PRKAG2: variants seen among roughly 807,000 people sequenced by gnomAD.
PRKAG2 encodes 5'-AMP-activated protein kinase subunit gamma-2.
A neutral mutation model predicts 69.6 loss-of-function variants in PRKAG2; 26 were observed. The ratio of observed to expected loss-of-function variants is 0.37; its 90% CI spans 0.27 to 0.52. The LOEUF (loss-of-function observed/expected upper bound fraction) is 0.52. PRKAG2 is among the 20% of genes least tolerant of loss of function. PRKAG2 has a pLI of 0.90. For missense variants in PRKAG2, 557 were observed against 740.0 expected, an observed-to-expected ratio of 0.75 and a Z score of 2.87; for synonymous variants, 293 against 285.0, an observed-to-expected ratio of 1.03 and a Z score of -0.28.
At chr7:151,740,197 T>G (rs2151709137) in intron 3 of PRKAG2, among the ~76,000 whole-genome samples, 1 of 152,318 alleles carries the variant, frequency 6.6e-6, no homozygotes, top group African/African-American at 2.4e-5. Context: ...GGGCTGCTGG[T>G]TAGCTGCAGC....
chr7:151,662,909 T>A (rs930830974), intron 4 of PRKAG2, among the ~76,000 whole-genome samples: 2 of 151,868 alleles, frequency 1.3e-5, no homozygotes, highest in Non-Finnish European at 2.9e-5. Flanking sequence ...AACAAATACA[T>A]AAAACACAAG....
chr7:151,736,073 A>G, intron 3 of PRKAG2: 1 of 1,529,142 alleles, frequency 6.5e-7, no homozygotes. Flanking sequence ...GGTGGCCGGG[A>G]GCCAGAGGAG....
chr7:151,726,538 C>T (rs1318242811), intron 3 of PRKAG2, among the ~76,000 whole-genome samples: 2 of 152,214 alleles, frequency 1.3e-5, no homozygotes, highest in South Asian at 4.2e-4. Context: ...TGTCACAGCC[C>T]CGACTGGAAA....
chr7:151,582,679 T>C (rs999530079), intron 6 of PRKAG2, among the ~76,000 whole-genome samples: 2 of 152,230 alleles, frequency 1.3e-5, no homozygotes, highest in African/African-American at 4.8e-5. Flanking sequence ...ACATAAAATG[T>C]GTATCTCTAC....
rs374963512 is a variant in PRKAG2 at position 151,833,776 on chromosome 7, T to TA, written c.114+42730dup. ...AGGCAAGCCCAGAATCCAACTGGCA[T>TA]AAAAAATAAGTCCTTAATGAGGAAA... On this transcript the variant is annotated intron_variant, in intron 1 of 15. Coordinates refer to ENST00000287878, the MANE Select transcript of PRKAG2 (RefSeq NM_016203.4). Among the ~76,000 whole-genome samples, 748 of 152,196 alleles carry TA rather than the reference T, an allele frequency of 4.9e-3. 5 individuals are homozygous for TA. Among genetic ancestry groups the TA allele is most frequent in the African/African-American group, 0.017 (716 of 41,532 alleles).
chr7:151,718,170 C>T (rs10253736), intron 3 of PRKAG2, among the ~76,000 whole-genome samples: 33,562 of 151,982 alleles, frequency 0.22, 4,199 homozygotes, highest in Non-Finnish European at 0.29. Context: ...GATTTTCTTA[C>T]GGTTCTGGGG....
intron 1 of PRKAG2, among the ~76,000 whole-genome samples, chr7:151,805,058 C>G (rs1028719359): frequency 6.6e-6 from 1 of 152,226 alleles, no homozygotes; most frequent in Non-Finnish European, 1.5e-5. Context: ...TCCCTGCATA[C>G]ATGTGCTGTC....
intron 4 of PRKAG2, among the ~76,000 whole-genome samples, chr7:151,649,986 G>A (rs993884403): frequency 2.0e-5 from 3 of 152,076 alleles, no homozygotes; most frequent in African/African-American, 7.2e-5. Flanking sequence ...TCACCTCCCC[G>A]ACACACACCC....
chr7:151,610,114 C>T (rs890314098), intron 5 of PRKAG2, among the ~76,000 whole-genome samples: 3 of 152,220 alleles, frequency 2.0e-5, no homozygotes, highest in African/African-American at 7.2e-5. Context: ...ATCTGTAATC[C>T]CAGCACTTTC....
intron 1 of PRKAG2, among the ~76,000 whole-genome samples, chr7:151,866,719 T>C (rs2080088174): frequency 6.6e-6 from 1 of 152,170 alleles, no homozygotes; most frequent in Non-Finnish European, 1.5e-5. Flanking sequence ...GCTGCTGGCA[T>C]GGCTGAGGTG....
intron 1 of PRKAG2, among the ~76,000 whole-genome samples, chr7:151,860,132 G>A (rs2079882746): frequency 6.6e-6 from 1 of 152,200 alleles, no homozygotes; most frequent in Non-Finnish European, 1.5e-5. Context: ...CCTATCGGAT[G>A]CTTTCATCCA....
chr7:151,616,482 CATCA>C (rs752614734), intron 5 of PRKAG2, among the ~76,000 whole-genome samples: 3 of 152,232 alleles, frequency 2.0e-5, no homozygotes, highest in Non-Finnish European at 4.4e-5. Context: ...TGGCAACTTG[CATCA>C]TGAACCTGTC....
intron 5 of PRKAG2, among the ~76,000 whole-genome samples, chr7:151,596,705 C>T (rs566571530): frequency 2.0e-4 from 30 of 151,804 alleles, no homozygotes; most frequent in Non-Finnish European, 3.1e-4. Context: ...GCTGAGATTG[C>T]GGCACTGCAC....
chr7:151,744,797 C>T (rs1037265988), intron 3 of PRKAG2, among the ~76,000 whole-genome samples: 4 of 152,120 alleles, frequency 2.6e-5, no homozygotes, highest in Non-Finnish European at 4.4e-5. Context: ...TCAGCCCGGC[C>T]GACCGAGAGA....
chr7:151,800,145 C>T (rs911570978), intron 1 of PRKAG2, among the ~76,000 whole-genome samples: 2 of 151,876 alleles, frequency 1.3e-5, no homozygotes, highest in Admixed American at 6.6e-5. Context: ...ATCATGAGGT[C>T]AGGAGATCGA....
chr7:151,860,310 G>A (rs191522264), intron 1 of PRKAG2, among the ~76,000 whole-genome samples: 15 of 152,324 alleles, frequency 9.8e-5, no homozygotes, highest in African/African-American at 3.1e-4. Flanking sequence ...ATTTGCAGCA[G>A]AGAGAACCAG....
intron 3 of PRKAG2, among the ~76,000 whole-genome samples, chr7:151,701,632 A>C (rs1426685499): frequency 6.6e-6 from 1 of 152,150 alleles, no homozygotes; most frequent in Non-Finnish European, 1.5e-5. Context: ...TCGAGAGGTC[A>C]GGAGATGGAG....
At chr7:151,791,161 C>A (rs570401547) in intron 1 of PRKAG2, among the ~76,000 whole-genome samples, 20 of 152,336 alleles carry the variant, frequency 1.3e-4, no homozygotes, top group African/African-American at 4.1e-4. Context: ...CCCAATCCCA[C>A]CTCCCAGCAA....
chr7:151,802,819 A>G (rs562055254), intron 1 of PRKAG2, among the ~76,000 whole-genome samples: 90 of 152,040 alleles, frequency 5.9e-4, no homozygotes, highest in African/African-American at 2.0e-3. Context: ...CCTGACCTAC[A>G]CGCTGTCCTG....
Sources: allele counts gnomAD v4.1 joint callset (sites outside exome capture counted in the v4.1 genomes callset), GRCh38; gene constraint gnomAD v4.1.1; transcripts MANE v1.5; gene names NCBI Gene and HGNC (gene_info 2026-07-23, HGNC 2026-07-21).